The following ACTN1 variants were observed in gnomAD, a reference collection of about 807,000 sequenced individuals.
The protein encoded by ACTN1 is actinin alpha 1, also known as alpha-actinin-1.
In ACTN1, 30 loss-of-function variants were observed where a neutral mutation model predicts 119.6. The observed-to-expected ratio is 0.25, with a 90% CI of 0.19 to 0.34. The LOEUF is 0.34. Among genes scored for constraint, ACTN1 ranks in the 10% least tolerant of loss-of-function variants. The probability of loss-of-function intolerance (pLI) is 1.00; values close to 1 mark genes in which losing one functional copy is unlikely to be tolerated. For missense variants in ACTN1, 764 were observed against 1,223.4 expected (o/e 0.62, Z 5.60); for synonymous variants, 429 against 472.6 (o/e 0.91, Z 1.20).
intron 1 of ACTN1, among the ~76,000 whole-genome samples, chr14:68,965,862 C>A (rs2024893): frequency 0.23 from 34,676 of 152,088 alleles, 4,193 homozygotes; most frequent in Admixed American, 0.29. Context: ...CTGTGTTCGC[C>A]GAATAGTTAA....
At position 68,885,461 on chromosome 14, in the gene ACTN1, C is replaced by T. The variant is rs751173836; in HGVS notation, c.1349G>A (p.Arg450His). The T allele has an allele frequency of 7.4e-6, 12 of 1,613,938 alleles. No individual in the cohort carries two copies. Among genetic ancestry groups the T allele is most frequent in the Non-Finnish European group, 1.0e-5 (12 of 1,179,950 alleles). ...FESDLAAHQDRVEQIAAIAQE... is the reference protein window; with the variant it reads ...FESDLAAHQDHVEQIAAIAQE... ...TGCGATGGCGGCAATCTGCTCCACA[C>T]GGTCCTGGTGGGCAGCCAGGTCACT... Residue 450 changes from arginine (R) to histidine (H), a missense_variant, in exon 12 of 22, where the codon CGT becomes CAT. Arg to His is a conservative substitution (Grantham distance 29). Coordinates refer to ENST00000394419, the MANE Select transcript of ACTN1 (RefSeq NM_001130004.2). This position sits in a 1 kb window ranked among gnomAD's most constrained non-coding sequence, Gnocchi z 5.6.
At position 68,892,603 on chromosome 14, in the gene ACTN1, G is replaced by A. The variant is rs557563529; in HGVS notation, c.856-320C>T. ...CAACTAAAAGGCAGGAAGGAAGCCT[G>A]GGTTTTAGTACCAGGTTCTAACTGG... On this transcript the variant is annotated intron_variant, in intron 9 of 21. Coordinates refer to ENST00000394419, the MANE Select transcript of ACTN1 (RefSeq NM_001130004.2). Among the ~76,000 whole-genome samples the A allele has an allele frequency of 1.1e-4, 16 of 152,334 alleles. No homozygotes were observed. The South Asian group carries it at 2.7e-3, about 26-fold the overall frequency.
Position 68,884,153 on chromosome 14 carries a change from G to A in ACTN1, c.1635+15C>T. On this transcript the variant is annotated intron_variant, in intron 14 of 21. Coordinates refer to ENST00000394419, the MANE Select transcript of ACTN1 (RefSeq NM_001130004.2). The stretch of plus-strand genomic sequence containing the variant: ...CCAGGGGAGCCAGCCTCCGGGGAGT[G>A]GAGGTGGGGCTCACCTGGATCTCCT... 1.2e-6 allele frequency: 2 copies of A among 1,607,354 alleles called. No homozygotes were observed. Among genetic ancestry groups the A allele is most frequent in the Non-Finnish European group, 1.7e-6 (2 of 1,175,322 alleles).
At chr14:68,948,527 G>A (rs1228259821) in intron 1 of ACTN1, among the ~76,000 whole-genome samples, 1 of 152,068 alleles carries the variant, frequency 6.6e-6, no homozygotes, top group Non-Finnish European at 1.5e-5. Flanking sequence ...GCAGTGAGCC[G>A]AGATTGCACC....
intron 8 of ACTN1, among the ~76,000 whole-genome samples, chr14:68,897,387 A>G (rs923034184): frequency 7.9e-5 from 12 of 152,184 alleles, no homozygotes; most frequent in Non-Finnish European, 1.6e-4. Flanking sequence ...AAAGATATGA[A>G]CTATTATTAT....
At position 68,924,332 on chromosome 14, in the gene ACTN1, T is replaced by A. The variant is rs565691562; in HGVS notation, c.220+1226A>T. On this transcript the variant is annotated intron_variant, in intron 2 of 21. Transcript: ENST00000394419. Reference sequence around the variant, plus strand: ...ATCTGAAAGTAGAAAAAACTACTTTTAAAAAAAAAGGGCAGTTAGAGCTTG... The same window carrying A: ...ATCTGAAAGTAGAAAAAACTACTTTAAAAAAAAAAGGGCAGTTAGAGCTTG... Among the ~76,000 whole-genome samples, 18 of 151,576 alleles carry A rather than the reference T, an allele frequency of 1.2e-4. No homozygotes were observed. In the South Asian group the frequency reaches 1.7e-3, roughly 14 times the overall value.
At position 68,880,996 on chromosome 14, in the gene ACTN1, A is replaced by C. The variant is rs547314727; in HGVS notation, c.1954-7T>G. The C allele has an allele frequency of 1.9e-6, 3 of 1,613,618 alleles. No homozygotes were observed. The highest frequency in any genetic ancestry group is 2.7e-5 in the African/African-American group (2 of 75,004). On this transcript the variant is annotated splice_region_variant and splice_polypyrimidine_tract_variant and intron_variant, in intron 16 of 21. Coordinates refer to ENST00000394419, the MANE Select transcript of ACTN1 (RefSeq NM_001130004.2). The surrounding 1 kb of genome is among the most constrained non-coding windows in gnomAD (Gnocchi z 4.6). ...TGGAGATCCTCCCGATCTCCTGCTC[A>C]CCGGGAAGGAAGCACCTTGTCAGAC...
intron 9 of ACTN1, 40 bp from the exon 10 acceptor site, chr14:68,892,323 G>A (rs778497905): frequency 8.9e-6 from 14 of 1,578,328 alleles, no homozygotes; most frequent in East Asian, 4.5e-5. Context: ...GTGAGGAGGC[G>A]GGGAGGGAGT....
chr14:68,905,800 T>C (rs142385371), intron 6 of ACTN1, among the ~76,000 whole-genome samples: 25 of 152,188 alleles, frequency 1.6e-4, no homozygotes, highest in African/African-American at 4.6e-4. Flanking sequence ...ATGACTAGCG[T>C]GACCAACGTG....
chr14:68,914,507 T>C (rs955271708), intron 3 of ACTN1, among the ~76,000 whole-genome samples: 6 of 152,184 alleles, frequency 3.9e-5, no homozygotes, highest in Non-Finnish European at 8.8e-5. Context: ...AGCTCATGCC[T>C]TTAATCCTAG....
intron 1 of ACTN1, chr14:68,978,220 T>C (rs1033668062): frequency 1.1e-5 from 5 of 456,150 alleles, no homozygotes; most frequent in African/African-American, 4.0e-5. Flanking sequence ...TGCCCACCTT[T>C]CCCGGGGGTC....
Position 68,925,689 on chromosome 14 carries a change from A to T in ACTN1, c.106-17T>A, listed in dbSNP as rs1254221120. 1 of 1,601,970 alleles carries T rather than the reference A, an allele frequency of 6.2e-7. No individual in the cohort carries two copies. Among genetic ancestry groups the T allele is most frequent in the Non-Finnish European group, 8.5e-7 (1 of 1,171,494 alleles). ...CGTGAATGTCTGGGCAGAGACAAGA[A>T]GGGCAAGTGGTCAGGGGGCTGGTGT... On this transcript the variant is annotated splice_polypyrimidine_tract_variant and intron_variant, in intron 1 of 21. Transcript: ENST00000394419. This position sits in a 1 kb window ranked among gnomAD's most constrained non-coding sequence, Gnocchi z 4.3.
At chr14:68,884,094 G>A in intron 14 of ACTN1, 74 bp downstream of exon 14, 1 of 1,472,950 alleles carries the variant, frequency 6.8e-7, no homozygotes, top group Non-Finnish European at 9.1e-7. Flanking sequence ...GGGCAGTCCT[G>A]CAAAAGTGAC....
intron 1 of ACTN1, among the ~76,000 whole-genome samples, chr14:68,964,724 G>A (rs1018752237): frequency 1.3e-5 from 2 of 152,222 alleles, no homozygotes; most frequent in Non-Finnish European, 2.9e-5. Context: ...GGGCGGCTAT[G>A]ATGATTCCTT....
chr14:68,900,135 G>A (rs2033213843), intron 8 of ACTN1, among the ~76,000 whole-genome samples: 1 of 152,146 alleles, frequency 6.6e-6, no homozygotes, highest in Non-Finnish European at 1.5e-5. Context: ...AGGGTCTTGG[G>A]TGCCCAACCA....
chr14:68,950,294 CAAAA>C (rs60899029), intron 1 of ACTN1, among the ~76,000 whole-genome samples: 1,321 of 121,210 alleles, frequency 0.011, 54 homozygotes, highest in African/African-American at 0.04. Context: ...GTTGTTGTCT[CAAAA>C]AAAAAAAAAA....
intron 21 of ACTN1, 37 bp downstream of exon 21, chr14:68,877,045 G>GCCACCCCAGCACAGTGCCCA (rs1190822235): frequency 6.2e-7 from 1 of 1,610,062 alleles, no homozygotes; most frequent in Non-Finnish European, 8.5e-7. Context: ...GCCAGTGCCT[G>GCCACCCCAGCACAGTGCCCA]CCACCCCAGC....
intron 9 of ACTN1, among the ~76,000 whole-genome samples, 175 bp from the exon 10 acceptor site, chr14:68,892,458 C>A (rs942926268): frequency 6.6e-6 from 1 of 152,180 alleles, no homozygotes; most frequent in Non-Finnish European, 1.5e-5. Flanking sequence ...CCAGGGTGTT[C>A]CCTCTGAGAA....
At position 68,877,128 on chromosome 14, in the gene ACTN1, G is replaced by C. The variant is rs1283641394; in HGVS notation, c.2540C>G (p.Thr847Arg). 6.2e-7 allele frequency: 1 copy of C among 1,614,178 alleles called. No homozygotes were observed. Among genetic ancestry groups the C allele is most frequent in the East Asian group, 2.2e-5 (1 of 44,892 alleles). Residue 847 changes from threonine (T) to arginine (R), a missense_variant, in exon 21 of 22, where the codon ACA (threonine) becomes AGA (arginine). Thr to Arg is a moderately conservative substitution (Grantham distance 71, BLOSUM62 -1). Around this residue, in one of 4 missense-constraint regions of ACTN1, gnomAD observed 544 missense variants for 912.0 expected, o/e 0.60. Coordinates refer to ENST00000394419, the MANE Select transcript of ACTN1 (RefSeq NM_001130004.2). ...FMSRETADTD[T>R]ADQVMASFKI... ...GAAGGAAGCCATGACTTGGTCTGCTGTATCTGTGTCGGCTGTCTCGCGGGA... is the reference window on the plus strand; with the variant it reads ...GAAGGAAGCCATGACTTGGTCTGCTCTATCTGTGTCGGCTGTCTCGCGGGA...
Sources: gnomAD v4.1 joint callset for allele counts (sites outside exome capture counted in the v4.1 genomes callset) on GRCh38, gnomAD v4.1.1 for gene constraint, gnomAD v4.1.1 regional missense constraint, Gnocchi (gnomAD v3.1) non-coding constraint, MANE v1.5 for transcripts, NCBI Gene and HGNC (gene_info 2026-07-23, HGNC 2026-07-21) for gene names.